The following PAK3 variants were observed in gnomAD, a reference collection of about 807,000 sequenced individuals.
The protein encoded by PAK3 is p21 (RAC1) activated kinase 3.
PAK3 carries 4 observed loss-of-function variants against 41.0 expected under a neutral mutation model. The observed-to-expected ratio is 0.10, with a 90% CI of 0.05 to 0.22. The LOEUF (loss-of-function observed/expected upper bound fraction) is 0.22, where lower values mean the gene tolerates loss of function less well. Among genes scored for constraint, PAK3 ranks in the 10% least tolerant of loss-of-function variants. The pLI is 1.00. For missense variants in PAK3, 205 were observed against 409.9 expected (o/e 0.50, Z 4.32); for synonymous variants, 146 against 139.6 (o/e 1.05, Z -0.32).
chrX:111,180,895 A>G (rs2094455296), intron 11 of PAK3, among the ~76,000 whole-genome samples: 1 of 112,155 alleles, frequency 8.9e-6, no homozygotes, highest in African/African-American at 3.2e-5. Flanking sequence ...ACCATTTTAT[A>G]CAAAGTTATC....
intron 1 of PAK3, among the ~76,000 whole-genome samples, chrX:110,957,395 A>T (rs1378805771): frequency 1.8e-5 from 2 of 111,987 alleles, no homozygotes; most frequent in African/African-American, 6.5e-5. Flanking sequence ...TCCTCATGAT[A>T]ACTGTATGAG....
intron 11 of PAK3, among the ~76,000 whole-genome samples, chrX:111,178,974 T>TAGAG (rs201910654): frequency 3.9e-4 from 36 of 92,240 alleles, no homozygotes; most frequent in African/African-American, 1.8e-3. Flanking sequence ...TATATATATA[T>TAGAG]ATATATAGAG....
chrX:111,197,152 C>T (rs1446461646), intron 16 of PAK3, among the ~76,000 whole-genome samples: 6 of 111,302 alleles, frequency 5.4e-5, no homozygotes, highest in African/African-American at 1.6e-4. Context: ...ATGTTTAGCT[C>T]CCACTTACGA....
intron 1 of PAK3, among the ~76,000 whole-genome samples, chrX:111,081,599 T>G (rs952495895): frequency 4.5e-5 from 5 of 111,371 alleles, no homozygotes; most frequent in African/African-American, 1.6e-4. Flanking sequence ...GATTTTTAAC[T>G]GTTCTTACTA....
chrX:111,183,763 T>C (rs769213028), intron 11 of PAK3, among the ~76,000 whole-genome samples: 1 of 111,584 alleles, frequency 9.0e-6, no homozygotes, highest in Non-Finnish European at 1.9e-5. Context: ...GAATTGTGAA[T>C]TGTTTCTTTC....
At chrX:111,035,410 G>A (rs1001126260) in intron 1 of PAK3, among the ~76,000 whole-genome samples, 3 of 111,514 alleles carry the variant, frequency 2.7e-5, no homozygotes, top group African/African-American at 9.8e-5. Context: ...ATGCCCAGAG[G>A]GAGTTGTAAG....
intron 1 of PAK3, among the ~76,000 whole-genome samples, chrX:110,976,565 T>C (rs928433700): frequency 1.8e-5 from 2 of 111,777 alleles, no homozygotes; most frequent in South Asian, 3.8e-4. Context: ...TCCTCAAGGA[T>C]TTAGAACTAG....
intron 12 of PAK3, 79 bp downstream of exon 12, chrX:111,192,254 C>A: frequency 5.9e-6 from 4 of 676,698 alleles, no homozygotes; most frequent in South Asian, 4.7e-5. Context: ...GGCAACTTCG[C>A]CTAAAAAAAA....
At chrX:111,011,777 C>T (rs1384738859) in intron 1 of PAK3, among the ~76,000 whole-genome samples, 1 of 111,945 alleles carries the variant, frequency 8.9e-6, no homozygotes, top group African/African-American at 3.3e-5. Context: ...TGTAAGACAT[C>T]CATAGGGGAT....
At chrX:111,152,896 GT>G (rs2094050645) in intron 8 of PAK3, 1 of 117,299 alleles carries the variant, frequency 8.5e-6, no homozygotes, top group African/African-American at 3.2e-5. Context: ...AATAATTTGT[GT>G]TCCTTTTTAT....
intron 1 of PAK3, among the ~76,000 whole-genome samples, chrX:111,049,050 A>G (rs2092529518): frequency 9.0e-6 from 1 of 111,456 alleles, no homozygotes; most frequent in Non-Finnish European, 1.9e-5. Context: ...CTTGCTCACT[A>G]TGTTTTAGTC....
chrX:111,201,440 C>A (rs1237369470), intron 16 of PAK3, among the ~76,000 whole-genome samples: 1 of 111,598 alleles, frequency 9.0e-6, no homozygotes, highest in Non-Finnish European at 1.9e-5. Context: ...AGAAAATAAT[C>A]CAGAGCTTTA....
intron 1 of PAK3, among the ~76,000 whole-genome samples, chrX:111,060,898 TA>T (rs1243556005): frequency 9.0e-6 from 1 of 111,554 alleles, no homozygotes; most frequent in African/African-American, 3.2e-5. Context: ...TTGATTTTTT[TA>T]AAAAAAATTA....
At chrX:111,184,277 T>G (rs1342969638) in intron 11 of PAK3, among the ~76,000 whole-genome samples, 2 of 111,539 alleles carry the variant, frequency 1.8e-5, no homozygotes, top group African/African-American at 6.5e-5. Flanking sequence ...AAAAATCAAA[T>G]TGACAGTGTT....
At chrX:111,198,548 A>G (rs962737647) in intron 16 of PAK3, among the ~76,000 whole-genome samples, 3 of 112,248 alleles carry the variant, frequency 2.7e-5, no homozygotes, top group Non-Finnish European at 3.8e-5. Flanking sequence ...GCATATGGCT[A>G]GCCAGTTATC....
intron 1 of PAK3, among the ~76,000 whole-genome samples, chrX:110,962,137 A>G (rs2090992061): frequency 2.7e-5 from 3 of 111,818 alleles, no homozygotes; most frequent in Non-Finnish European, 3.8e-5. Flanking sequence ...TACCCCCACT[A>G]TGGATTTCTC....
chrX:111,212,766 T>A (rs1397321504), intron 16 of PAK3, among the ~76,000 whole-genome samples: 3 of 112,126 alleles, frequency 2.7e-5, no homozygotes, highest in Non-Finnish European at 5.6e-5. Flanking sequence ...GCTTTTTAAC[T>A]GTATTTTCTA....
At chrX:111,156,442 C>T (rs753686297) in intron 8 of PAK3, among the ~76,000 whole-genome samples, 22 of 111,551 alleles carry the variant, frequency 2.0e-4, no homozygotes, top group African/African-American at 6.8e-4. Context: ...AATTGGACCC[C>T]GACATTCTAT....
intron 1 of PAK3, among the ~76,000 whole-genome samples, chrX:110,955,787 G>A (rs1374616502): frequency 1.8e-5 from 2 of 112,214 alleles, no homozygotes; most frequent in Non-Finnish European, 3.8e-5. Flanking sequence ...TCCCTTCTCT[G>A]TGGAAAACTT....
Sources: gnomAD v4.1 joint callset for allele counts (sites outside exome capture counted in the v4.1 genomes callset) on GRCh38, gnomAD v4.1.1 for gene constraint, MANE v1.5 for transcripts, NCBI Gene and HGNC (gene_info 2026-07-23, HGNC 2026-07-21) for gene names.